Variants in NR3C2 observed in about 807,000 individuals in gnomAD.
NR3C2 encodes mineralocorticoid receptor.
Under a neutral mutation model 86.4 loss-of-function variants are expected in NR3C2, and 15 were observed. That is an observed-to-expected ratio of 0.17 (90% CI 0.12 to 0.27). The LOEUF (loss-of-function observed/expected upper bound fraction) is 0.27, where lower values mean the gene tolerates loss of function less well. Among genes scored for constraint, NR3C2 ranks in the 10% least tolerant of loss-of-function variants. NR3C2 has a pLI of 1.00. For missense variants in NR3C2, 960 were observed against 1,195.6 expected, an observed-to-expected ratio of 0.80 and a Z score of 2.91; for synonymous variants, 458 against 450.5, an observed-to-expected ratio of 1.02 and a Z score of -0.21.
rs538228052 is a variant in NR3C2, at chr4:148,249,913, T to C, written c.1897+10065A>G. On this transcript the variant is annotated intron_variant, in intron 3 of 8. Transcript: ENST00000358102. ...TCTTTGGTGTCAGCCTGTTCTTTTCTTGATGTGGATTTGGTTTATGGTATC... is the reference window on the plus strand; with the variant it reads ...TCTTTGGTGTCAGCCTGTTCTTTTCCTGATGTGGATTTGGTTTATGGTATC... Among the ~76,000 whole-genome samples, 8 of 152,308 alleles carry C rather than the reference T, an allele frequency of 5.3e-5. No homozygotes were observed. The East Asian group carries it at 1.2e-3, about 22-fold the overall frequency.
At chr4:148,378,698 C>T (rs1443364233) in intron 2 of NR3C2, among the ~76,000 whole-genome samples, 1 of 152,176 alleles carries the variant, frequency 6.6e-6, no homozygotes, top group Admixed American at 6.5e-5. Context: ...CTGAGGCCTC[C>T]CCAGAAGCTG....
chr4:148,295,553 G>A (rs111767571), intron 2 of NR3C2, among the ~76,000 whole-genome samples: 1,972 of 147,160 alleles, frequency 0.013, 46 homozygotes, highest in African/African-American at 0.047. Flanking sequence ...TGCCATCTCT[G>A]CCCACCAAAA....
intron 3 of NR3C2, among the ~76,000 whole-genome samples, chr4:148,210,200 T>C (rs1458556140): frequency 6.6e-6 from 1 of 152,110 alleles, no homozygotes; most frequent in Non-Finnish European, 1.5e-5. Context: ...TTTGTTTTTG[T>C]TTTTTTAAGA....
upstream of NR3C2, chr4:148,442,688 G>C: frequency 1.0e-6 from 1 of 985,386 alleles, no homozygotes; most frequent in East Asian, 1.1e-4. Context: ...CTGATACAAA[G>C]TTGCTGCGAC....
chr4:148,422,946 A>G (rs1749352487), intron 2 of NR3C2, among the ~76,000 whole-genome samples: 1 of 152,044 alleles, frequency 6.6e-6, no homozygotes, highest in African/African-American at 2.4e-5. Flanking sequence ...TTTCTTTCCT[A>G]TACTCCTTGG....
intron 4 of NR3C2, among the ~76,000 whole-genome samples, chr4:148,159,033 C>G (rs1347427813): frequency 6.6e-6 from 1 of 152,138 alleles, no homozygotes; most frequent in Non-Finnish European, 1.5e-5. Flanking sequence ...AATACGGTTA[C>G]TTAATTCATT....
rs531425125 is a variant in NR3C2 at position 148,436,164 on chromosome 4, T to C, written c.697A>G (p.Thr233Ala). ...ACATTAGGGGAGCATGTCAGAGGAG[T>C]TCCCTGGGTGATTGGGCTGTGCACT... The part of the protein sequence containing the change: ...FPVHSPITQG[T>A]PLTCSPNVEN... The change falls in exon 2 of 9, where the codon ACT becomes GCT. Residue 233 changes from threonine to alanine, a missense_variant. This residue lies in a region of NR3C2 where 680 missense variants were observed against 719.0 expected (regional missense o/e 0.95). Coordinates refer to ENST00000358102, the MANE Select transcript of NR3C2 (RefSeq NM_000901.5). The C allele has an allele frequency of 2.5e-6, 4 of 1,613,944 alleles. No homozygotes were observed. Among genetic ancestry groups the C allele is most frequent in the Admixed American group, 3.3e-5 (2 of 59,992 alleles).
At chr4:148,194,097 A>AT (rs766183982) in intron 4 of NR3C2, among the ~76,000 whole-genome samples, 3 of 152,162 alleles carry the variant, frequency 2.0e-5, no homozygotes, top group African/African-American at 4.8e-5. Context: ...AGTTCCTCCC[A>AT]TTATTTGTCT....
chr4:148,180,943 C>T (rs1174510086), intron 4 of NR3C2, among the ~76,000 whole-genome samples: 1 of 152,180 alleles, frequency 6.6e-6, no homozygotes, highest in Non-Finnish European at 1.5e-5. Context: ...CCCCTAGTTG[C>T]CTTCTCTCCA....
chr4:148,339,930 A>G (rs1163760885), intron 2 of NR3C2, among the ~76,000 whole-genome samples: 1 of 152,188 alleles, frequency 6.6e-6, no homozygotes, highest in East Asian at 1.9e-4. Flanking sequence ...AAAAGAAATT[A>G]AGAAAGCAAT....
chr4:148,331,370 G>C (rs6832421), intron 2 of NR3C2, among the ~76,000 whole-genome samples: 51,409 of 151,940 alleles, frequency 0.34, 9,942 homozygotes, highest in African/African-American at 0.54. Context: ...CCCCTCACAG[G>C]GCTACATCCA....
At chr4:148,165,596 A>T (rs1287466149) in intron 4 of NR3C2, among the ~76,000 whole-genome samples, 1 of 152,190 alleles carries the variant, frequency 6.6e-6, no homozygotes, top group African/African-American at 2.4e-5. Flanking sequence ...TCAAATCATA[A>T]GTAATCCTTT....
chr4:148,330,190 T>A (rs1744162281), intron 2 of NR3C2, among the ~76,000 whole-genome samples: 7 of 152,206 alleles, frequency 4.6e-5, no homozygotes, highest in Admixed American at 3.3e-4. Flanking sequence ...TTCATAAGAC[T>A]CAGCAAATAG....
At chr4:148,197,608 A>G (rs1736498076) in intron 3 of NR3C2, among the ~76,000 whole-genome samples, 1 of 152,202 alleles carries the variant, frequency 6.6e-6, no homozygotes, top group Non-Finnish European at 1.5e-5. Context: ...AAAAACAGAG[A>G]CCTTCAAATG....
chr4:148,382,640 G>A (rs994351026), intron 2 of NR3C2, among the ~76,000 whole-genome samples: 14 of 152,096 alleles, frequency 9.2e-5, no homozygotes, highest in African/African-American at 3.1e-4. Flanking sequence ...TAATTTCCAT[G>A]ACATCATACA....
intron 3 of NR3C2, among the ~76,000 whole-genome samples, chr4:148,234,152 T>A (rs1356605673): frequency 1.3e-5 from 2 of 152,222 alleles, no homozygotes; most frequent in African/African-American, 4.8e-5. Flanking sequence ...CAAGTTTGGT[T>A]TCTGTCATGC....
chr4:148,435,801 T>C lies in NR3C2; in HGVS notation c.1060A>G (p.Thr354Ala). The C allele has an allele frequency of 6.2e-7, 1 of 1,614,186 alleles. No homozygotes were observed. Among genetic ancestry groups the C allele is most frequent in the Non-Finnish European group, 8.5e-7 (1 of 1,180,046 alleles). ...GGACTGGGAACCACATCCCGCAATG[T>C]ACTGGATCCAGCAGAGGTGCCAGAA... is the stretch of plus-strand genomic sequence containing the variant. ...TASGTSAGSS[T>A]LRDVVPSPDT... Residue 354 changes from threonine (T) to alanine (A), a missense_variant, in exon 2 of 9, where the codon ACA becomes GCA. This residue lies in a region of NR3C2 where 680 missense variants were observed against 719.0 expected (regional missense o/e 0.95). Coordinates refer to ENST00000358102, the MANE Select transcript of NR3C2 (RefSeq NM_000901.5).
At chr4:148,421,864 C>CA (rs1344468486) in intron 2 of NR3C2, among the ~76,000 whole-genome samples, 2 of 152,082 alleles carry the variant, frequency 1.3e-5, no homozygotes, top group Non-Finnish European at 2.9e-5. Context: ...ATTCAGTCTT[C>CA]AAAAAATGCA....
intron 2 of NR3C2, among the ~76,000 whole-genome samples, chr4:148,391,866 C>CA (rs11384324): frequency 0.56 from 62,038 of 111,342 alleles, 15,034 homozygotes; most frequent in East Asian, 0.76. Context: ...GACTCCATTG[C>CA]AAAAAAAAAA....
Sources: allele counts gnomAD v4.1 joint callset (sites outside exome capture counted in the v4.1 genomes callset), GRCh38; gene constraint gnomAD v4.1.1; regional missense constraint gnomAD v4.1.1; transcripts MANE v1.5; gene names NCBI Gene and HGNC (gene_info 2026-07-23, HGNC 2026-07-21).